Variants in USP51 observed in about 807,000 individuals in gnomAD.
USP51 encodes ubiquitin specific peptidase 51.
Under a neutral mutation model 17.6 loss-of-function variants are expected in USP51, and 5 were observed. The ratio of observed to expected loss-of-function variants is 0.28; its 90% CI spans 0.15 to 0.60. USP51 has a LOEUF of 0.60. Ranked by LOEUF, USP51 falls within the 20% of genes least tolerant of loss-of-function variation. The pLI is 0.88. For missense variants in USP51, 459 were observed against 559.5 expected (o/e 0.82, Z 1.81); for synonymous variants, 248 against 216.1 (o/e 1.15, Z -1.29).
At position 55,488,469 on chromosome X, in the gene USP51, C is replaced by T. The variant is rs760003045; in HGVS notation, c.471G>A (p.Gly157=). 5 of 1,208,893 alleles carry T rather than the reference C, an allele frequency of 4.1e-6. No individual in the cohort carries two copies. The East Asian group carries it at 8.9e-5, about 22-fold the overall frequency. Residue 157 remains glycine (G), a synonymous_variant, in exon 3 of 3, where the codon GGG becomes GGA. Coordinates refer to ENST00000500968, the MANE Select transcript of USP51 (RefSeq NM_201286.4). ...WRGSRRRSRP[G]SRPQTRRSCS... Reference sequence around the variant, plus strand: ...AGCTTCTCCGTGTCTGAGGCCTGGACCCAGGCCGGGATCTGCGCCGGGATC... The same window carrying T: ...AGCTTCTCCGTGTCTGAGGCCTGGATCCAGGCCGGGATCTGCGCCGGGATC...
Position 55,486,672 on chromosome X carries a change from T to TA in USP51, c.*131dup. The TA allele has an allele frequency of 1.1e-6, 1 of 928,591 alleles. No homozygotes were observed. Among genetic ancestry groups the TA allele is most frequent in the Non-Finnish European group, 1.4e-6 (1 of 692,697 alleles). The allele number at this position is 928,591 out of a possible 1,213,427, so 76.5% of individuals were successfully genotyped here. A position where few individuals can be genotyped will look rare whatever the true frequency, so the allele number is the denominator to read the frequency against. ...GACAGACCCATGGGCCATGCTAAAA[T>TA]AGGTTCTTTATATCAAGATACTAGC... is the stretch of plus-strand genomic sequence containing the variant. On this transcript the variant is annotated 3_prime_UTR_variant, in exon 3 of 3. Transcript: ENST00000500968.
In USP51 at chrX:55,486,477, T is replaced by A; in HGVS notation, c.*327A>T. On this transcript the variant is annotated 3_prime_UTR_variant, in exon 3 of 3. Coordinates refer to ENST00000500968, the MANE Select transcript of USP51 (RefSeq NM_201286.4). ...ACTCCCTGACTTCACAAGATATTTC[T>A]GTAAAAACAAATGACATAGAGTAGC... The A allele has an allele frequency of 5.6e-6, 1 of 178,127 alleles. No homozygotes were observed. Among genetic ancestry groups the A allele is most frequent in the East Asian group, 1.1e-4 (1 of 9,042 alleles). The allele number at this position is 178,127 out of a possible 1,213,427, so 14.7% of individuals were successfully genotyped here.
rs1209948980 is a variant in USP51, at chrX:55,488,285, C to T, written c.655G>A (p.Val219Ile). Reference sequence around the variant, plus strand: ...CTAGTCTCTGGGGTCCCACTCCAAACGAAACGCTGGTAGATCAACCTCAGG... The same window carrying T: ...CTAGTCTCTGGGGTCCCACTCCAAATGAAACGCTGGTAGATCAACCTCAGG... ...KNLRLIYQRFVWSGTPETRKR... is the reference protein window; with the variant it reads ...KNLRLIYQRFIWSGTPETRKR... The change falls in exon 3 of 3, where the codon GTT (valine) becomes ATT (isoleucine). Residue 219 changes from valine (V) to isoleucine (I), a missense_variant. By Grantham distance (29) the Val-to-Ile change is conservative (BLOSUM62 3). This residue lies in a region of USP51 where 227 missense variants were observed against 365.5 expected (regional missense o/e 0.62). Transcript: ENST00000500968. The T allele has an allele frequency of 5.0e-6, 6 of 1,212,051 alleles. No homozygotes were observed. The highest frequency in any genetic ancestry group is 6.7e-6 in the Non-Finnish European group (6 of 895,562).
Position 55,487,800 on chromosome X carries a change from T to G in USP51, c.1140A>C (p.Ala380=), listed in dbSNP as rs1267716546. The G allele has an allele frequency of 1.7e-6, 2 of 1,211,325 alleles. No homozygotes were observed. The highest frequency in any genetic ancestry group is 2.2e-5 in the Admixed American group (1 of 46,044). ...CTTTCAGTAGAGGAATATGGGTAAG[T>G]GCCTGGACAATACAATTCATAAAAC... The part of the protein sequence containing the change: ...NTCFMNCIVQ[A]LTHIPLLKDF... Residue 380 remains alanine, a synonymous_variant, in exon 3 of 3, where the codon GCA becomes GCC. Transcript: ENST00000500968.
rs944316958 is a variant in USP51, at chrX:55,487,416, T to C, written c.1524A>G (p.Ile508Met). The C allele has an allele frequency of 8.3e-7, 1 of 1,212,062 alleles. No homozygotes were observed. The highest frequency in any genetic ancestry group is 2.2e-5 in the Admixed American group (1 of 46,094). The change falls in exon 3 of 3, where the codon ATA becomes ATG. Residue 508 changes from isoleucine (I) to methionine (M), a missense_variant. Ile to Met is a conservative substitution (Grantham distance 10). Around this residue, in one of 2 missense-constraint regions of USP51, gnomAD observed 227 missense variants for 365.5 expected, o/e 0.62. Transcript: ENST00000500968. ...CCAAACTGATGTCCCAGCATGGGTC[T>C]ATGGTGGTAGAAACACTATGGCAGG... ...CQACHSVSTT[I>M]DPCWDISLDL...
At position 55,488,408 on chromosome X, in the gene USP51, C is replaced by T; in HGVS notation, c.532G>A (p.Gly178Ser). The change falls in exon 3 of 3, where the codon GGC becomes AGC. Residue 178 changes from glycine to serine, a missense_variant. This residue lies in a region of USP51 where 232 missense variants were observed against 194.0 expected (regional missense o/e 1.20). Transcript: ENST00000500968. ...GDLDGSGDPG[G>S]LGDWLLEVEF... ...ACCTCCAGCAACCAGTCCCCTAAGC[C>T]GCCAGGATCCCCCGACCCGTCTAGG... 1 of 1,211,418 alleles carries T rather than the reference C, an allele frequency of 8.3e-7. No individual in the cohort carries two copies. The highest frequency in any genetic ancestry group is 1.1e-6 in the Non-Finnish European group (1 of 895,211).
rs1260649227 is a variant in USP51, at chrX:55,486,857, A to G, written c.2083T>C (p.Tyr695His). 1.7e-6 allele frequency: 2 copies of G among 1,210,695 alleles called. No individual in the cohort carries two copies. Among genetic ancestry groups the G allele is most frequent in the Non-Finnish European group, 2.2e-6 (2 of 894,731 alleles). Residue 695 changes from tyrosine to histidine, a missense_variant, in exon 3 of 3, where the codon TAC (tyrosine) becomes CAC (histidine). Tyr to His is a moderately conservative substitution (Grantham distance 83, BLOSUM62 2). Coordinates refer to ENST00000500968, the MANE Select transcript of USP51 (RefSeq NM_201286.4). The stretch of plus-strand genomic sequence containing the variant: ...TAGAACAGTAAATACCCTTCACTGT[A>G]GAGTAAGTCCTCAATGGTAGCCTTG... ...ITKATIEDLL[Y>H]SEGYLLFYHK... is the part of the protein sequence containing the mutation.
chrX:55,486,953 T>C lies in USP51; in HGVS notation c.1987A>G (p.Ser663Gly). Reference protein sequence around the residue: ...AVINHHGTLESGHYTSFIRQQ... With the variant: ...AVINHHGTLEGGHYTSFIRQQ... ...CGGATGAAGCTGGTATAGTGGCCAC[T>C]TTCCAAAGTTCCATGGTGATTAATC... The change falls in exon 3 of 3, where the codon AGT becomes GGT. Residue 663 changes from serine to glycine, a missense_variant. Ser to Gly is a moderately conservative substitution (Grantham distance 56). Transcript: ENST00000500968. 1 of 1,211,742 alleles carries C rather than the reference T, an allele frequency of 8.3e-7. No individual in the cohort carries two copies. The highest frequency in any genetic ancestry group is 1.8e-5 in the South Asian group (1 of 56,953).
In USP51 at chrX:55,487,121, G is replaced by A. The variant is rs1402140420; in HGVS notation, c.1819C>T (p.Arg607Ter). ...KRFEHVGKQR[R>*]KINTFISFPL... ...AAGGAGATAAAGGTATTAATCTTTC[G>A]CCTCTGTTTGCCTACATGCTCAAAC... The change falls in exon 3 of 3, where the codon CGA (arginine) becomes TGA (stop). Residue 607 changes from arginine to a stop codon, truncating the protein, a stop_gained. Transcript: ENST00000500968. LOFTEE classifies it high-confidence loss of function. The A allele has an allele frequency of 8.3e-7, 1 of 1,211,476 alleles. No individual in the cohort carries two copies. Among genetic ancestry groups the A allele is most frequent in the Non-Finnish European group, 1.1e-6 (1 of 895,421 alleles).
Position 55,487,632 on chromosome X carries a change from C to A in USP51, c.1308G>T (p.Trp436Cys). 8.3e-7 allele frequency: 1 copy of A among 1,211,889 alleles called. No individual in the cohort carries two copies. Among genetic ancestry groups the A allele is most frequent in the Non-Finnish European group, 1.1e-6 (1 of 895,562 alleles). Reference protein sequence around the residue: ...HIPYKLLHLIWIHAEHLAGYR... With the variant: ...HIPYKLLHLICIHAEHLAGYR... ...ACCCTGCTAAATGTTCTGCATGGATCCATATCAGATGCAGTAACTTATAGG... is the reference window on the plus strand; with the variant it reads ...ACCCTGCTAAATGTTCTGCATGGATACATATCAGATGCAGTAACTTATAGG... Residue 436 changes from tryptophan to cysteine, a missense_variant, in exon 3 of 3, where the codon TGG (tryptophan) becomes TGT (cysteine). Around this residue, in one of 2 missense-constraint regions of USP51, gnomAD observed 227 missense variants for 365.5 expected, o/e 0.62. Coordinates refer to ENST00000500968, the MANE Select transcript of USP51 (RefSeq NM_201286.4).
chrX:55,487,527 C>T lies in USP51; in HGVS notation c.1413G>A (p.Gly471=). The T allele has an allele frequency of 8.3e-7, 1 of 1,211,966 alleles. No individual in the cohort carries two copies. Among genetic ancestry groups the T allele is most frequent in the Non-Finnish European group, 1.1e-6 (1 of 895,609 alleles). ...AGCAGTTGGGGTTATTGGCCTCCTG[C>T]CCACCACTATCATCTTTGCTGTGTC... The part of the protein sequence containing the change: ...LHRHSKDDSG[G]QEANNPNCCN... The change falls in exon 3 of 3, where the codon GGG becomes GGA. Residue 471 remains glycine (G), a synonymous_variant. Transcript: ENST00000500968.
rs1257596854 is a variant in USP51 at position 55,488,698 on chromosome X, T to C, written c.242A>G (p.Glu81Gly). 8.3e-7 allele frequency: 1 copy of C among 1,200,873 alleles called. No homozygotes were observed. The highest frequency in any genetic ancestry group is 2.2e-5 in the Admixed American group (1 of 46,091). ...NLTWSSSGGDEKVLPSIPLRC... is the reference protein window; with the variant it reads ...NLTWSSSGGDGKVLPSIPLRC... ...AAGGGGGATTGAAGGGAGCACCTTC[T>C]CGTCGCCGCCGCTGCTGCTCCACGT... The change falls in exon 3 of 3, where the codon GAG becomes GGG. Residue 81 changes from glutamate to glycine, a missense_variant. Coordinates refer to ENST00000500968, the MANE Select transcript of USP51 (RefSeq NM_201286.4).
Position 55,489,179 on chromosome X carries a change from G to A in USP51, c.-60C>T. 2.3e-6 allele frequency: 1 copy of A among 427,404 alleles called. No individual in the cohort carries two copies. Among genetic ancestry groups the A allele is most frequent in the Non-Finnish European group, 4.1e-6 (1 of 246,562 alleles). 35.2% of individuals were successfully genotyped at this position (427,404 alleles called of 1,213,427 possible). ...GACCGAGGCGGTTACCTGCTTCAAA[G>A]GCGATCAGATCATGCCAGGGGACTG... On this transcript the variant is annotated 5_prime_UTR_variant, in exon 2 of 3. Transcript: ENST00000500968.
chrX:55,488,516 G>A lies in USP51; in HGVS notation c.424C>T (p.Pro142Ser), dbSNP rs1392335318. The A allele has an allele frequency of 8.9e-7, 1 of 1,127,243 alleles. No individual in the cohort carries two copies. Among genetic ancestry groups the A allele is most frequent in the South Asian group, 2.3e-5 (1 of 43,669 alleles). The allele number at this position is 1,127,243 out of a possible 1,213,427, so 92.9% of individuals were successfully genotyped here. A position where few individuals can be genotyped will look rare whatever the true frequency, so the allele number is the denominator to read the frequency against. Residue 142 changes from proline (P) to serine (S), a missense_variant, in exon 3 of 3, where the codon CCG becomes TCG. By Grantham distance (74) the Pro-to-Ser change is moderately conservative. This residue lies in a region of USP51 where 232 missense variants were observed against 194.0 expected (regional missense o/e 1.20). Coordinates refer to ENST00000500968, the MANE Select transcript of USP51 (RefSeq NM_201286.4). ...GATCCACGCCAGGCCCTGGGCCGCG[G>A]TGCGGGTGGGGGCGGGGGTGGCGGC... is the stretch of plus-strand genomic sequence containing the variant. ...PPPPPPPPPAPRPRAWRGSRR... is the reference protein window; with the variant it reads ...PPPPPPPPPASRPRAWRGSRR...
rs766471132 is a variant in USP51 at position 55,489,316 on chromosome X, T to C, written c.-197A>G. The C allele has an allele frequency of 1.2e-5, 2 of 165,939 alleles. No homozygotes were observed. Among genetic ancestry groups the C allele is most frequent in the Non-Finnish European group, 2.3e-5 (2 of 87,330 alleles). 13.7% of individuals were successfully genotyped at this position (165,939 alleles called of 1,213,427 possible). ...ACCCTCTGACTGCTTTTTTGCGCCC[T>C]GCGCAGCCTCGCTTTGGTGCAGCTT... On this transcript the variant is annotated 5_prime_UTR_variant, in exon 2 of 3. Transcript: ENST00000500968.
In USP51 at chrX:55,487,274, A is replaced by G. The variant is rs1405030655; in HGVS notation, c.1666T>C (p.Phe556Leu). The G allele has an allele frequency of 8.3e-7, 1 of 1,210,970 alleles. No individual in the cohort carries two copies. Among genetic ancestry groups the G allele is most frequent in the Non-Finnish European group, 1.1e-6 (1 of 895,221 alleles). The stretch of plus-strand genomic sequence containing the variant: ...CTTCCTAGGTGCTCTGGCCTTGTAA[A>G]CCACTGTAGACAGTCTGTAAGTGAG... ...IPSLTDCLQW[F>L]TRPEHLGSSA... The change falls in exon 3 of 3, where the codon TTT (phenylalanine) becomes CTT (leucine). Residue 556 changes from phenylalanine (F) to leucine (L), a missense_variant. Physicochemically the swap from Phe to Leu is conservative, Grantham distance 22. Coordinates refer to ENST00000500968, the MANE Select transcript of USP51 (RefSeq NM_201286.4).
rs148263960 is a variant in USP51 at position 55,487,774 on chromosome X, T to C, written c.1166A>G (p.Asp389Gly). ...TTTGTGCTTGTCAGAGAGGAAGAAA[T>C]CTTTCAGTAGAGGAATATGGGTAAG... ...QALTHIPLLK[D>G]FFLSDKHKCI... The change falls in exon 3 of 3, where the codon GAT becomes GGT. Residue 389 changes from aspartate (D) to glycine (G), a missense_variant. Asp to Gly is a moderately conservative substitution (Grantham distance 94). Around this residue, in one of 2 missense-constraint regions of USP51, gnomAD observed 227 missense variants for 365.5 expected, o/e 0.62. Transcript: ENST00000500968. 1.7e-6 allele frequency: 2 copies of C among 1,211,762 alleles called. No individual in the cohort carries two copies. Among genetic ancestry groups the C allele is most frequent in the African/African-American group, 3.5e-5 (2 of 57,758 alleles).
At position 55,488,988 on chromosome X, in the gene USP51, A is replaced by C. The variant is rs1207821308; in HGVS notation, c.-49T>G. The C allele has an allele frequency of 1.7e-6, 2 of 1,164,968 alleles. No homozygotes were observed. Among genetic ancestry groups the C allele is most frequent in the Non-Finnish European group, 2.3e-6 (2 of 870,191 alleles). The stretch of plus-strand genomic sequence containing the variant: ...GCAAGGCGTCTGGAAAACAGCTGCG[A>C]CTGTAGATGAAAGGAGACAGAGACT... On this transcript the variant is annotated splice_region_variant and 5_prime_UTR_variant, in exon 3 of 3. Transcript: ENST00000500968.
rs374896469 is a variant in USP51 at position 55,486,975 on chromosome X, A to T, written c.1965T>A (p.Ile655=). ...CACTTTCCAAAGTTCCATGGTGATT[A>T]ATCACTGCAAACAAGGAATACTTAT... ...NENKYSLFAV[I]NHHGTLESGH... is the part of the protein sequence containing the mutation. The change falls in exon 3 of 3, where the codon ATT becomes ATA. Residue 655 remains isoleucine, a synonymous_variant. Transcript: ENST00000500968. 4 of 1,209,913 alleles carry T rather than the reference A, an allele frequency of 3.3e-6. No homozygotes were observed. In the African/African-American group the frequency reaches 7.0e-5, roughly 21 times the overall value.
Sources: allele counts gnomAD v4.1 joint callset, GRCh38; gene constraint gnomAD v4.1.1; regional missense constraint gnomAD v4.1.1; transcripts MANE v1.5; gene names NCBI Gene and HGNC (gene_info 2026-07-23, HGNC 2026-07-21).